Variants in DCUN1D2 observed in about 807,000 individuals in gnomAD.
DCUN1D2 encodes the protein DCN1-like protein 2.
DCUN1D2 carries 29 observed loss-of-function variants against 30.9 expected under a neutral mutation model. That is an observed-to-expected ratio of 0.94 (90% CI 0.70 to 1.28). The LOEUF (loss-of-function observed/expected upper bound fraction) is 1.28. Among genes scored for constraint, DCUN1D2 ranks in the 50% most tolerant of loss-of-function variants. The pLI, the probability that DCUN1D2 is intolerant of heterozygous loss-of-function variation, is 0.00. For missense variants in DCUN1D2, 325 were observed against 316.9 expected (o/e 1.03, Z -0.19); for synonymous variants, 121 against 115.3 (o/e 1.05, Z -0.32).
At chr13:113,470,920 G>C (rs1164394762) in intron 4 of DCUN1D2, among the ~76,000 whole-genome samples, 1 of 135,932 alleles carries the variant, frequency 7.4e-6, no homozygotes. Flanking sequence ...ACTCCACAGG[G>C]GACCCAGCTC....
chr13:113,471,736 A>G (rs189529352), intron 4 of DCUN1D2, among the ~76,000 whole-genome samples: 1 of 152,358 alleles, frequency 6.6e-6, no homozygotes, highest in Admixed American at 6.5e-5. Flanking sequence ...ACGCCAGAAG[A>G]AAGTGGAGCG....
chr13:113,464,531 G>A (rs1206728869), intron 4 of DCUN1D2, among the ~76,000 whole-genome samples: 2 of 152,202 alleles, frequency 1.3e-5, no homozygotes, highest in African/African-American at 4.8e-5. Context: ...ATAACCTCCC[G>A]GAAATTACCA....
chr13:113,465,204 A>G (rs2044381674), intron 4 of DCUN1D2, among the ~76,000 whole-genome samples: 1 of 152,230 alleles, frequency 6.6e-6, no homozygotes, highest in Admixed American at 6.5e-5. Flanking sequence ...TCAGAAAAAA[A>G]GTTTTATCAT....
chr13:113,463,435 T>C (rs1024661915), intron 4 of DCUN1D2, among the ~76,000 whole-genome samples: 1 of 151,928 alleles, frequency 6.6e-6, no homozygotes, highest in African/African-American at 2.4e-5. Context: ...CTCACACCTG[T>C]AATCATAGCA....
rs11352484 is a variant in DCUN1D2, at chr13:113,480,974, G to GAA, written c.221-233_221-232dup. On this transcript the variant is annotated intron_variant, in intron 2 of 6. Transcript: ENST00000478244. ...AAAATCTAGGTTTCTGGGTTTTAGG[G>GAA]AAAAAAAAAAATCACTGAATTTTTT... Among the ~76,000 whole-genome samples, 512 of 147,782 alleles carry GAA rather than the reference G, an allele frequency of 3.5e-3. 4 individuals are homozygous for GAA. Among genetic ancestry groups the GAA allele is most frequent in the African/African-American group, 0.011 (455 of 40,642 alleles).
chr13:113,462,893 TG>T (rs1450978266), intron 4 of DCUN1D2: 3 of 1,251,834 alleles, frequency 2.4e-6, no homozygotes, highest in African/African-American at 1.6e-5. Context: ...GAGGTGAACC[TG>T]GGGAGGAAAA....
Position 113,484,053 on chromosome 13 carries a change from T to C in DCUN1D2, c.7A>G (p.Lys3Glu). The C allele has an allele frequency of 1.2e-6, 2 of 1,613,572 alleles. No homozygotes were observed. Among genetic ancestry groups the C allele is most frequent in the Non-Finnish European group, 1.7e-6 (2 of 1,179,936 alleles). Residue 3 changes from lysine (K) to glutamate (E), a missense_variant, in exon 2 of 7, where the codon AAG (lysine) becomes GAG (glutamate). By Grantham distance (56) the Lys-to-Glu change is moderately conservative (BLOSUM62 1). Transcript: ENST00000478244. ...TTGTCCTTCTGAGACGATTTAAGCT[T>C]ATGCTTTGGGATGCAAAAGAAGTAG... The part of the protein sequence containing the change: MH[K>E]LKSSQKDKVR...
At chr13:113,472,536 G>A (rs1276283850) in intron 4 of DCUN1D2, among the ~76,000 whole-genome samples, 1 of 152,158 alleles carries the variant, frequency 6.6e-6, no homozygotes, top group East Asian at 1.9e-4. Flanking sequence ...ACGGGGACAT[G>A]AACAATAAAC....
At chr13:113,487,071 G>C (rs915428156) in intron 1 of DCUN1D2, among the ~76,000 whole-genome samples, 1 of 152,166 alleles carries the variant, frequency 6.6e-6, no homozygotes, top group Non-Finnish European at 1.5e-5. Context: ...AAAAATTCAA[G>C]GTTGTATTCT....
Position 113,474,167 on chromosome 13 carries a change from CTG to C in DCUN1D2, c.475_476del (p.Gln159ValfsTer7). On this transcript the variant is annotated frameshift_variant, in exon 4 of 7. Transcript: ENST00000478244. LOFTEE classifies it high-confidence loss of function. ...KDTAKFKDFYQFTFTFAKNPG... is the reference protein window; with the variant it reads ...KDTAKFKDFYXFTFTFAKNPG... ...GGTTCTTAGCGAAGGTGAAGGTAAA[CTG>C]ATAAAAATCTTTAAACTTGGCTGTG... 1.2e-6 allele frequency: 2 copies of C among 1,614,156 alleles called. No individual in the cohort carries two copies. Among genetic ancestry groups the C allele is most frequent in the Non-Finnish European group, 1.7e-6 (2 of 1,179,994 alleles).
At chr13:113,483,720 TG>T in intron 2 of DCUN1D2, 119 bp downstream of exon 2, 1 of 852,312 alleles carries the variant, frequency 1.2e-6, no homozygotes, top group Non-Finnish European at 1.8e-6. Flanking sequence ...GCGCTGAGCG[TG>T]GGGAGGAGAA....
chr13:113,480,515 AAAT>A, intron 3 of DCUN1D2, 57 bp downstream of exon 3: 15 of 1,591,010 alleles, frequency 9.4e-6, no homozygotes, highest in African/African-American at 1.3e-5. Flanking sequence ...GGTTGCTGAA[AAAT>A]AATGTTAGAA....
chr13:113,470,164 G>A (rs1595574942), intron 4 of DCUN1D2, among the ~76,000 whole-genome samples: 2 of 152,174 alleles, frequency 1.3e-5, no homozygotes, highest in African/African-American at 4.8e-5. Context: ...CAGTGTGTTT[G>A]GATACACAAA....
intron 4 of DCUN1D2, among the ~76,000 whole-genome samples, chr13:113,470,141 C>T (rs1326792775): frequency 6.6e-6 from 1 of 152,228 alleles, no homozygotes; most frequent in African/African-American, 2.4e-5. Flanking sequence ...TTCACTGCCC[C>T]TTTTCTATGC....
intron 4 of DCUN1D2, among the ~76,000 whole-genome samples, chr13:113,471,450 A>C (rs577671904): frequency 6.6e-6 from 1 of 152,372 alleles, no homozygotes; most frequent in African/African-American, 2.4e-5. Context: ...CCAAAACCAA[A>C]TACAAGGAAC....
At chr13:113,468,631 G>C (rs117773672) in intron 4 of DCUN1D2, among the ~76,000 whole-genome samples, 6 of 152,198 alleles carry the variant, frequency 3.9e-5, no homozygotes, top group Non-Finnish European at 5.9e-5. Context: ...TCAGACAAGC[G>C]GCCTATGAGG....
At chr13:113,467,683 T>C (rs1340209389) in intron 4 of DCUN1D2, among the ~76,000 whole-genome samples, 1 of 152,156 alleles carries the variant, frequency 6.6e-6, no homozygotes, top group Non-Finnish European at 1.5e-5. Context: ...TGGTTCCTCG[T>C]TCCTCAAGAA....
chr13:113,472,029 C>G (rs1003431846), intron 4 of DCUN1D2, among the ~76,000 whole-genome samples: 1 of 152,106 alleles, frequency 6.6e-6, no homozygotes, highest in Non-Finnish European at 1.5e-5. Flanking sequence ...TGTATTACCC[C>G]CCCAACCCCG....
At position 113,459,689 on chromosome 13, in the gene DCUN1D2, G is replaced by A. The variant is rs79924357; in HGVS notation, c.604-281C>T. The A allele has an allele frequency of 5.7e-3, 1,544 of 270,796 alleles. 24 individuals carry two copies. The highest frequency in any genetic ancestry group is 0.032 in the African/African-American group (1,440 of 45,596). The allele number at this position is 270,796 out of a possible 1,614,324, so 16.8% of individuals were successfully genotyped here. On this transcript the variant is annotated intron_variant, in intron 5 of 6. Coordinates refer to ENST00000478244, the MANE Select transcript of DCUN1D2 (RefSeq NM_001014283.2). ...CATAGAAGGGCAGCATTTTAATCTC[G>A]TTACCTGCCCATTAGCTGCATGTAT...
Sources: gnomAD v4.1 joint callset for allele counts (sites outside exome capture counted in the v4.1 genomes callset) on GRCh38, gnomAD v4.1.1 for gene constraint, MANE v1.5 for transcripts, NCBI Gene and HGNC (gene_info 2026-07-23, HGNC 2026-07-21) for gene names.